The following RAB27B variants were observed in gnomAD, a reference collection of about 807,000 sequenced individuals.
RAB27B encodes RAB27B, member RAS oncogene family, also known as ras-related protein Rab-27B.
RAB27B carries 15 observed loss-of-function variants against 24.6 expected under a neutral mutation model. That is an observed-to-expected ratio of 0.61 (90% confidence interval 0.41 to 0.94). RAB27B has a LOEUF of 0.94. Among genes scored for constraint, RAB27B ranks in the 40% least tolerant of loss-of-function variants. The pLI is 0.00. For missense variants in RAB27B, 261 were observed against 266.8 expected, an observed-to-expected ratio of 0.98 and a Z score of 0.15; for synonymous variants, 105 against 92.5, an observed-to-expected ratio of 1.14 and a Z score of -0.78.
rs532827479 is a variant in RAB27B at position 54,776,770 on chromosome 18, A to T, written c.-20+58629A>T. 2.6e-5 allele frequency among the ~76,000 whole-genome samples: 4 copies of T among 152,316 alleles called. No homozygotes were observed. The South Asian group carries it at 8.3e-4, about 32-fold the overall frequency. On this transcript the variant is annotated intron_variant, in intron 2 of 4. Transcript: ENST00000586570. The stretch of plus-strand genomic sequence containing the variant: ...ACAGTGAAGGTTTGATGAATGAATA[A>T]ATCTCGGGCCTGGCATGGTCAGGCA...
intron 1 of RAB27B, among the ~76,000 whole-genome samples, chr18:54,842,017 A>G (rs903693432): frequency 2.0e-5 from 3 of 152,254 alleles, no homozygotes; most frequent in African/African-American, 7.2e-5. Flanking sequence ...AGTATTTGCC[A>G]CATGAACATG....
At chr18:54,799,572 C>A (rs1319847407) in intron 2 of RAB27B, among the ~76,000 whole-genome samples, 1 of 145,966 alleles carries the variant, frequency 6.9e-6, no homozygotes, top group African/African-American at 2.6e-5. Flanking sequence ...GGTATACTTG[C>A]AATATATACA....
chr18:54,750,648 T>C (rs970384433), intron 2 of RAB27B, among the ~76,000 whole-genome samples: 4 of 152,208 alleles, frequency 2.6e-5, no homozygotes, highest in Non-Finnish European at 4.4e-5. Flanking sequence ...CATTCATTTT[T>C]TGAGTGCCAG....
At chr18:54,752,638 G>A (rs1162582798) in intron 2 of RAB27B, among the ~76,000 whole-genome samples, 2 of 152,164 alleles carry the variant, frequency 1.3e-5, no homozygotes, top group Non-Finnish European at 2.9e-5. Context: ...AACATTTAAA[G>A]TTACCTGTGG....
At chr18:54,731,472 G>T (rs1909729309) in intron 2 of RAB27B, among the ~76,000 whole-genome samples, 1 of 152,198 alleles carries the variant, frequency 6.6e-6, no homozygotes. Context: ...TGTAATCCCA[G>T]CACTTTGGGA....
At chr18:54,739,980 G>T (rs1179255506) in intron 2 of RAB27B, among the ~76,000 whole-genome samples, 1 of 152,056 alleles carries the variant, frequency 6.6e-6, no homozygotes, top group Admixed American at 6.6e-5. Context: ...TATATATTCT[G>T]GATACAAATT....
chr18:54,877,630 CG>C lies in RAB27B; in HGVS notation c.49del (p.Asp17IlefsTer26). On this transcript the variant is annotated frameshift_variant, in exon 2 of 6. Coordinates refer to ENST00000262094, the MANE Select transcript of RAB27B (RefSeq NM_004163.4). LOFTEE classifies it high-confidence loss of function. Reference protein sequence around the residue: ...YDYLIKLLALGDSGVGKTTFL... With the variant: ...YDYLIKLLALXDSGVGKTTFL... Reference sequence around the variant, plus strand: ...ATTATCTGATCAAACTCCTGGCCCTCGGGGATTCAGGGGTGGGGAAGACAAC... The same window carrying C: ...ATTATCTGATCAAACTCCTGGCCCTCGGGATTCAGGGGTGGGGAAGACAAC... 1 of 1,591,722 alleles carries C rather than the reference CG, an allele frequency of 6.3e-7. No homozygotes were observed. The highest frequency in any genetic ancestry group is 8.5e-7 in the Non-Finnish European group (1 of 1,173,534).
At chr18:54,727,008 GT>G (rs1413120346) in intron 2 of RAB27B, among the ~76,000 whole-genome samples, 1 of 152,182 alleles carries the variant, frequency 6.6e-6, no homozygotes, top group Non-Finnish European at 1.5e-5. Flanking sequence ...TTGAGACAGA[GT>G]TTTGCTCCTG....
intron 2 of RAB27B, among the ~76,000 whole-genome samples, chr18:54,720,155 G>A (rs1598855614): frequency 6.6e-6 from 1 of 152,076 alleles, no homozygotes; most frequent in East Asian, 1.9e-4. Context: ...AGAATTACTA[G>A]CAAACAAATG....
chr18:54,831,535 C>G (rs944699057), intron 1 of RAB27B, among the ~76,000 whole-genome samples: 1 of 152,186 alleles, frequency 6.6e-6, no homozygotes, highest in Non-Finnish European at 1.5e-5. Context: ...ATACTATGAA[C>G]TTTAATATTC....
rs372177871 is a variant in RAB27B at position 54,778,825 on chromosome 18, C to T, written c.-20+60684C>T. Among the ~76,000 whole-genome samples, 6 of 151,334 alleles carry T rather than the reference C, an allele frequency of 4.0e-5. No individual in the cohort carries two copies. The East Asian group carries it at 7.8e-4, about 20-fold the overall frequency. ...CTAACCTAGAATCTCTTTCTCTTTA[C>T]TTTCTATACAGTTAAGTCCTTTTTT... is the stretch of plus-strand genomic sequence containing the variant. On this transcript the variant is annotated intron_variant, in intron 2 of 4. Coordinates refer to the RAB27B transcript ENST00000586570.
chr18:54,786,091 C>A (rs1443591988), intron 2 of RAB27B, among the ~76,000 whole-genome samples: 1 of 151,416 alleles, frequency 6.6e-6, no homozygotes, highest in Non-Finnish European at 1.5e-5. Flanking sequence ...TTCTATACTA[C>A]TCTTCATCCT....
chr18:54,846,113 C>T (rs1205257381), intron 1 of RAB27B, among the ~76,000 whole-genome samples: 2 of 152,104 alleles, frequency 1.3e-5, no homozygotes, highest in Non-Finnish European at 2.9e-5. Flanking sequence ...ATGGTCAGCG[C>T]TTGAGGGACT....
chr18:54,764,834 C>T (rs1908307105), intron 2 of RAB27B, among the ~76,000 whole-genome samples: 1 of 152,138 alleles, frequency 6.6e-6, no homozygotes, highest in Non-Finnish European at 1.5e-5. Flanking sequence ...ACTTTGTCTT[C>T]TAACTGCCGC....
chr18:54,743,738 G>A (rs562912535), intron 2 of RAB27B, among the ~76,000 whole-genome samples: 9 of 152,336 alleles, frequency 5.9e-5, no homozygotes, highest in African/African-American at 2.2e-4. Flanking sequence ...CAAAGAGCCA[G>A]AGTGGACAGA....
intron 2 of RAB27B, among the ~76,000 whole-genome samples, chr18:54,800,595 C>G (rs758731854): frequency 6.6e-6 from 1 of 152,122 alleles, no homozygotes; most frequent in Non-Finnish European, 1.5e-5. Context: ...TTGAGAGGTA[C>G]CTTTTGTAAT....
chr18:54,847,911 A>G (rs1911403814), intron 1 of RAB27B, among the ~76,000 whole-genome samples: 1 of 152,238 alleles, frequency 6.6e-6, no homozygotes, highest in African/African-American at 2.4e-5. Context: ...GCAATGAACA[A>G]TTCACAAATC....
In RAB27B at chr18:54,744,841, T is replaced by G. The variant is rs868559462; in HGVS notation, c.-20+26700T>G. ...TCACTTGGGTGGCACCAAGATTGAC[T>G]TCCAAGTGGAACAGTACATCTGCAA... On this transcript the variant is annotated intron_variant, in intron 2 of 4. Transcript: ENST00000586570. 12 of 207,482 alleles carry G rather than the reference T, an allele frequency of 5.8e-5. No individual in the cohort carries two copies. The Middle Eastern group carries it at 6.6e-3, about 115-fold the overall frequency. The allele number at this position is 207,482 out of a possible 1,614,324, so 12.9% of individuals were successfully genotyped here. A position where few individuals can be genotyped will look rare whatever the true frequency, so the allele number is the denominator to read the frequency against.
Position 54,890,807 on chromosome 18 carries a change from G to A in RAB27B, c.*1394G>A, listed in dbSNP as rs557681247. 175 of 152,086 alleles carry A rather than the reference G, an allele frequency of 1.2e-3. 1 individual carries two copies. The highest frequency in any genetic ancestry group is 4.0e-3 in the African/African-American group (166 of 41,518). 9.4% of individuals were successfully genotyped at this position (152,086 alleles called of 1,614,324 possible). On this transcript the variant is annotated 3_prime_UTR_variant, in exon 6 of 6. Coordinates refer to ENST00000262094, the MANE Select transcript of RAB27B (RefSeq NM_004163.4). Reference sequence around the variant, plus strand: ...TGGCCAGTATTTTTGTTAATGTAAAGCTTCCTTTTCTTTCTAAAAAATAGT... The same window carrying A: ...TGGCCAGTATTTTTGTTAATGTAAAACTTCCTTTTCTTTCTAAAAAATAGT...
Sources: allele counts gnomAD v4.1 joint callset (sites outside exome capture counted in the v4.1 genomes callset), GRCh38; gene constraint gnomAD v4.1.1; transcripts MANE v1.5; gene names NCBI Gene and HGNC (gene_info 2026-07-23, HGNC 2026-07-21).